Variants in CPA3 observed in about 807,000 individuals in gnomAD.
CPA3 encodes carboxypeptidase A3.
In CPA3, 52 loss-of-function variants were observed where a neutral mutation model predicts 55.8. The observed-to-expected ratio is 0.93, with a 90% CI of 0.75 to 1.17. CPA3 has a LOEUF of 1.17. CPA3 is among the 50% of genes most tolerant of loss of function. CPA3 has a pLI of 0.00. For synonymous variants in CPA3, 179 were observed against 171.2 expected, an observed-to-expected ratio of 1.05 and a Z score of -0.36; for missense variants, 547 against 509.1, an observed-to-expected ratio of 1.07 and a Z score of -0.72.
Position 148,882,487 on chromosome 3 carries a change from C to G in CPA3, c.688-18C>G. Reference sequence around the variant, plus strand: ...CAAACTGATCTTGTGTAAACACTTACGTCATTCAATCTGGCAGAACCGCAT... The same window carrying G: ...CAAACTGATCTTGTGTAAACACTTAGGTCATTCAATCTGGCAGAACCGCAT... On this transcript the variant is annotated intron_variant, in intron 7 of 10. Transcript: ENST00000296046. 6.2e-7 allele frequency: 1 copy of G among 1,604,922 alleles called. No individual in the cohort carries two copies. The highest frequency in any genetic ancestry group is 8.5e-7 in the Non-Finnish European group (1 of 1,172,078).
intron 2 of CPA3, among the ~76,000 whole-genome samples, chr3:148,867,352 C>T (rs1713929681): frequency 6.6e-6 from 1 of 152,212 alleles, no homozygotes; most frequent in South Asian, 2.1e-4. Context: ...TCCTTGTGCT[C>T]CTGGAATACC....
intron 6 of CPA3, 66 bp from the exon 7 acceptor site, chr3:148,881,456 A>C: frequency 1.1e-6 from 1 of 941,936 alleles, no homozygotes; most frequent in Non-Finnish European, 1.7e-6. Context: ...TACTATTATA[A>C]CCACAGCTTT....
At chr3:148,894,125 C>G (rs1447304360) in intron 10 of CPA3, among the ~76,000 whole-genome samples, 1 of 152,154 alleles carries the variant, frequency 6.6e-6, no homozygotes, top group African/African-American at 2.4e-5. Context: ...AAATAATAGA[C>G]TATCTTTCTC....
At chr3:148,889,349 A>G (rs1714610031) in intron 10 of CPA3, among the ~76,000 whole-genome samples, 1 of 152,130 alleles carries the variant, frequency 6.6e-6, no homozygotes, top group South Asian at 2.1e-4. Context: ...TTTGTCAGTG[A>G]TTTCCTGTCT....
chr3:148,876,792 C>T (rs1714216466), intron 3 of CPA3, among the ~76,000 whole-genome samples: 1 of 151,984 alleles, frequency 6.6e-6, no homozygotes, highest in Admixed American at 6.6e-5. Context: ...TCTATTAAGG[C>T]ATAAGAAAAA....
At chr3:148,888,927 T>TCA (rs1714601107) in intron 10 of CPA3, among the ~76,000 whole-genome samples, 1 of 152,166 alleles carries the variant, frequency 6.6e-6, no homozygotes. Context: ...CTTAAGGAAG[T>TCA]CACATTCTAA....
chr3:148,885,299 T>C (rs1173417494), intron 9 of CPA3, among the ~76,000 whole-genome samples: 3 of 151,428 alleles, frequency 2.0e-5, no homozygotes, highest in Non-Finnish European at 4.4e-5. Flanking sequence ...AAAAATAATG[T>C]ATATTTTATA....
chr3:148,875,528 T>A (rs1576580792), intron 3 of CPA3, among the ~76,000 whole-genome samples: 1 of 152,274 alleles, frequency 6.6e-6, no homozygotes, highest in East Asian at 1.9e-4. Flanking sequence ...GTTTTCTAAG[T>A]CCTTCTGTCT....
intron 5 of CPA3, 71 bp downstream of exon 5, chr3:148,878,819 C>T (rs904394628): frequency 1.2e-6 from 1 of 868,580 alleles, no homozygotes; most frequent in Non-Finnish European, 1.9e-6. Context: ...TACTTTGTAA[C>T]ACAACTAAGC....
chr3:148,865,483 T>C lies in CPA3; in HGVS notation c.79T>C (p.Phe27Leu), dbSNP rs1713872033. 6.2e-7 allele frequency: 1 copy of C among 1,614,034 alleles called. No individual in the cohort carries two copies. Among genetic ancestry groups the C allele is most frequent in the Non-Finnish European group, 8.5e-7 (1 of 1,180,012 alleles). The part of the protein sequence containing the change: ...APVRFDREKV[F>L]RVKPQDEKQA... ...TTTGCCTCCACAAAGGGAGAAGGTG[T>C]TCCGCGTGAAGCCCCAGGATGAAAA... Residue 27 changes from phenylalanine to leucine, a missense_variant, in exon 2 of 11, where the codon TTC becomes CTC. Phe to Leu is a conservative substitution (Grantham distance 22). Coordinates refer to ENST00000296046, the MANE Select transcript of CPA3 (RefSeq NM_001870.4).
chr3:148,884,865 C>T (rs1173775226), intron 9 of CPA3, among the ~76,000 whole-genome samples: 34 of 136,156 alleles, frequency 2.5e-4, no homozygotes, highest in Admixed American at 1.8e-3. Context: ...AAATACATAT[C>T]CACAAAAAAA....
intron 10 of CPA3, among the ~76,000 whole-genome samples, chr3:148,889,869 C>CA (rs10693111): frequency 0.47 from 51,717 of 110,170 alleles, 14,066 homozygotes; most frequent in African/African-American, 0.72. Context: ...AACTCCATCT[C>CA]AAAAAAAAAA....
intron 10 of CPA3, among the ~76,000 whole-genome samples, chr3:148,892,060 C>T (rs1276001538): frequency 6.6e-6 from 1 of 152,084 alleles, no homozygotes; most frequent in African/African-American, 2.4e-5. Flanking sequence ...CTTGCCATTC[C>T]TTTGGCTTCC....
intron 8 of CPA3, 131 bp downstream of exon 8, chr3:148,882,726 A>T (rs1019994563): frequency 1.5e-6 from 1 of 684,374 alleles, no homozygotes; most frequent in African/African-American, 1.8e-5. Context: ...TATCTATAAC[A>T]TGAAAGACAA....
At chr3:148,896,322 C>T (rs1240801681) in intron 10 of CPA3, among the ~76,000 whole-genome samples, 198 bp from the exon 11 acceptor site, 1 of 152,154 alleles carries the variant, frequency 6.6e-6, no homozygotes, top group Non-Finnish European at 1.5e-5. Flanking sequence ...TTAAACGCAG[C>T]ACACACTGGG....
intron 6 of CPA3, among the ~76,000 whole-genome samples, chr3:148,880,937 G>A (rs1714346744): frequency 6.6e-6 from 1 of 152,068 alleles, no homozygotes; most frequent in Non-Finnish European, 1.5e-5. Flanking sequence ...CTCCAATTCA[G>A]ATGTACCTAG....
rs769976312 is a variant in CPA3, at chr3:148,878,761, C to G, written c.474+13C>G. On this transcript the variant is annotated intron_variant, in intron 5 of 10. Coordinates refer to ENST00000296046, the MANE Select transcript of CPA3 (RefSeq NM_001870.4). The stretch of plus-strand genomic sequence containing the variant: ...ATATGTTCTGAAGGTAAAAATAACT[C>G]AAGAACCACTAATTCTTATTACTGT... 1 of 1,413,078 alleles carries G rather than the reference C, an allele frequency of 7.1e-7. No individual in the cohort carries two copies. Among genetic ancestry groups the G allele is most frequent in the Non-Finnish European group, 9.9e-7 (1 of 1,012,162 alleles). 87.5% of individuals were successfully genotyped at this position (1,413,078 alleles called of 1,614,324 possible).
Position 148,865,392 on chromosome 3 carries a change from G to C in CPA3, c.68+17G>C. 1 of 1,613,820 alleles carries C rather than the reference G, an allele frequency of 6.2e-7. No homozygotes were observed. The highest frequency in any genetic ancestry group is 8.5e-7 in the Non-Finnish European group (1 of 1,179,908). On this transcript the variant is annotated intron_variant, in intron 1 of 10. Transcript: ENST00000296046. The stretch of plus-strand genomic sequence containing the variant: ...CTTTGACAGGTAAATCTTACTTCCT[G>C]TGTTCCAGTCTCTGTGTAGAAGAGA...
intron 3 of CPA3, among the ~76,000 whole-genome samples, chr3:148,877,316 A>G (rs1474843300): frequency 2.0e-5 from 3 of 152,124 alleles, no homozygotes; most frequent in East Asian, 3.9e-4. Context: ...ATCAACATGG[A>G]GAAACCCCGT....
Sources: allele counts gnomAD v4.1 joint callset (sites outside exome capture counted in the v4.1 genomes callset), GRCh38; gene constraint gnomAD v4.1.1; transcripts MANE v1.5; gene names NCBI Gene and HGNC (gene_info 2026-07-23, HGNC 2026-07-21).